The following MAST2 variants were observed in gnomAD, a reference collection of about 807,000 sequenced individuals.
MAST2 encodes the protein microtubule-associated serine/threonine-protein kinase 2.
In MAST2, 70 loss-of-function variants were observed where a neutral mutation model predicts 147.4. That is an observed-to-expected ratio of 0.47 (90% CI 0.39 to 0.58). The LOEUF (loss-of-function observed/expected upper bound fraction) is 0.58. Among genes scored for constraint, MAST2 ranks in the 20% least tolerant of loss-of-function variants. MAST2 has a pLI of 0.00. For missense variants in MAST2, 2,080 were observed against 2,302.3 expected (o/e 0.90, Z 1.98); for synonymous variants, 869 against 896.8 (o/e 0.97, Z 0.55).
chr1:46,017,766 C>T (rs1006152415), intron 10 of MAST2, among the ~76,000 whole-genome samples: 4 of 152,260 alleles, frequency 2.6e-5, no homozygotes, highest in Admixed American at 1.3e-4. Context: ...GGGGCGATTC[C>T]TCAGGGATCT....
intron 16 of MAST2, 47 bp downstream of exon 16, chr1:46,025,862 C>A: frequency 6.2e-7 from 1 of 1,611,754 alleles, no homozygotes; most frequent in Non-Finnish European, 8.5e-7. Flanking sequence ...CCTCTTGGGT[C>A]TCCAGATAAA....
In MAST2 at chr1:46,022,051, C is replaced by T. The variant is rs867407079; in HGVS notation, c.1392C>T (p.Ser464=). The part of the protein sequence containing the change: ...IKCDIPRYIV[S]QLGLTRDPLE... Reference sequence around the variant, plus strand: ...GTGACATTCCCCGCTACATCGTTAGCCAGCTGGGCCTCACCCGGGATCCCC... The same window carrying T: ...GTGACATTCCCCGCTACATCGTTAGTCAGCTGGGCCTCACCCGGGATCCCC... The change falls in exon 12 of 29, where the codon AGC becomes AGT. Residue 464 remains serine (S), a synonymous_variant. Transcript: ENST00000361297. 1.2e-6 allele frequency: 2 copies of T among 1,614,076 alleles called. No individual in the cohort carries two copies. The highest frequency in any genetic ancestry group is 1.7e-6 in the Non-Finnish European group (2 of 1,180,034).
Position 46,023,501 on chromosome 1 carries a change from C to T in MAST2, c.1571+183C>T, listed in dbSNP as rs747704142. 3.0e-5 allele frequency: 19 copies of T among 640,064 alleles called. No individual in the cohort carries two copies. The highest frequency in any genetic ancestry group is 5.0e-5 in the Non-Finnish European group (18 of 361,144). The allele number at this position is 640,064 out of a possible 1,614,324, so 39.6% of individuals were successfully genotyped here. Reference sequence around the variant, plus strand: ...TCTGACATCCGATCATTGTTCCTTTCCCAGACAAGATTCCCACGCCTCTTA... The same window carrying T: ...TCTGACATCCGATCATTGTTCCTTTTCCAGACAAGATTCCCACGCCTCTTA... On this transcript the variant is annotated intron_variant, in intron 14 of 28. Transcript: ENST00000361297. This position sits in a 1 kb window ranked among gnomAD's most constrained non-coding sequence, Gnocchi z 4.9.
chr1:45,889,508 C>G (rs771743368), intron 4 of MAST2, among the ~76,000 whole-genome samples: 1 of 152,172 alleles, frequency 6.6e-6, no homozygotes, highest in Non-Finnish European at 1.5e-5. Flanking sequence ...TTTTCTTACT[C>G]TTAGGATCAC....
At chr1:45,823,023 A>G (rs1318863384) in intron 1 of MAST2, among the ~76,000 whole-genome samples, 1 of 151,798 alleles carries the variant, frequency 6.6e-6, no homozygotes, top group Non-Finnish European at 1.5e-5. Context: ...TTCACTTACC[A>G]CCATGTTTTG....
At chr1:45,980,351 A>G (rs1032894267) in intron 5 of MAST2, among the ~76,000 whole-genome samples, 3 of 151,688 alleles carry the variant, frequency 2.0e-5, no homozygotes, top group Admixed American at 6.6e-5. Context: ...AAAAGTAGCT[A>G]TTGCGTTCTG....
chr1:45,891,231 C>T (rs1478854170), intron 4 of MAST2, among the ~76,000 whole-genome samples: 3 of 152,242 alleles, frequency 2.0e-5, no homozygotes, highest in Non-Finnish European at 4.4e-5. Flanking sequence ...CTAGCTCACA[C>T]CTGTAATCCC....
intron 5 of MAST2, among the ~76,000 whole-genome samples, chr1:45,991,597 T>A (rs1225485372): frequency 1.3e-5 from 2 of 152,222 alleles, no homozygotes; most frequent in African/African-American, 4.8e-5. Flanking sequence ...AGTGTATTTG[T>A]TAAATTTATA....
At chr1:46,028,535 T>C (rs1044937827) in intron 17 of MAST2, among the ~76,000 whole-genome samples, 10 of 152,174 alleles carry the variant, frequency 6.6e-5, no homozygotes, top group African/African-American at 2.2e-4. Flanking sequence ...GTTGAGGGCT[T>C]AAGGGATGGT....
intron 4 of MAST2, among the ~76,000 whole-genome samples, chr1:45,946,561 G>T (rs1658061373): frequency 6.6e-6 from 1 of 152,062 alleles, no homozygotes; most frequent in Non-Finnish European, 1.5e-5. Context: ...TCTTTTCCCT[G>T]TAAGTTGTAA....
chr1:46,023,662 C>G lies in MAST2; in HGVS notation c.1572-110C>G. The G allele has an allele frequency of 1.0e-6, 1 of 966,540 alleles. No individual in the cohort carries two copies. The highest frequency in any genetic ancestry group is 1.6e-6 in the Non-Finnish European group (1 of 638,154). The allele number at this position is 966,540 out of a possible 1,614,324, so 59.9% of individuals were successfully genotyped here. A position where few individuals can be genotyped will look rare whatever the true frequency, so the allele number is the denominator to read the frequency against. Reference sequence around the variant, plus strand: ...TTCTCACTGATATGCATGCCCTTGCCCCCTTGTTCTGTGCATTAATTAAGG... The same window carrying G: ...TTCTCACTGATATGCATGCCCTTGCGCCCTTGTTCTGTGCATTAATTAAGG... On this transcript the variant is annotated intron_variant, in intron 14 of 28. Transcript: ENST00000361297. This position sits in a 1 kb window ranked among gnomAD's most constrained non-coding sequence, Gnocchi z 4.9.
intron 2 of MAST2, among the ~76,000 whole-genome samples, chr1:45,825,013 G>A (rs752512185): frequency 6.6e-6 from 1 of 152,176 alleles, no homozygotes; most frequent in Non-Finnish European, 1.5e-5. Flanking sequence ...ATTGTACATT[G>A]TGGCATAATT....
In MAST2 at chr1:45,842,347, T is replaced by G. The variant is rs189436794; in HGVS notation, c.468+12766T>G. Reference sequence around the variant, plus strand: ...CATAACAAAATCAACCATTTTAAAGTGAACAATTCAGTGGCATTTAGTACT... The same window carrying G: ...CATAACAAAATCAACCATTTTAAAGGGAACAATTCAGTGGCATTTAGTACT... On this transcript the variant is annotated intron_variant, in intron 3 of 28. Transcript: ENST00000361297. Among the ~76,000 whole-genome samples, 14 of 152,306 alleles carry G rather than the reference T, an allele frequency of 9.2e-5. No homozygotes were observed. In the East Asian group the frequency reaches 2.7e-3, roughly 29 times the overall value.
intron 4 of MAST2, chr1:45,917,662 A>C (rs1652781200): frequency 1.6e-6 from 1 of 609,610 alleles, no homozygotes. Context: ...AGAAGAGTAA[A>C]ATAAATATCA....
intron 10 of MAST2, 147 bp from the exon 11 acceptor site, chr1:46,019,449 C>T: frequency 1.6e-6 from 1 of 619,594 alleles, no homozygotes; most frequent in Non-Finnish European, 2.8e-6. Context: ...CCTCTCACAG[C>T]CAGCCAGCCT....
intron 3 of MAST2, among the ~76,000 whole-genome samples, chr1:45,835,345 A>G (rs1299205654): frequency 6.6e-6 from 1 of 152,116 alleles, no homozygotes; most frequent in East Asian, 1.9e-4. Flanking sequence ...TCAAGGAGTG[A>G]TTTTCGTTAG....
At chr1:45,999,427 A>G (rs1196189405) in intron 6 of MAST2, among the ~76,000 whole-genome samples, 3 of 152,216 alleles carry the variant, frequency 2.0e-5, no homozygotes, top group African/African-American at 7.2e-5. Context: ...CTGTACTCTC[A>G]GAGTAGGTAC....
chr1:45,823,799 G>C (rs1191905353), intron 1 of MAST2, among the ~76,000 whole-genome samples: 1 of 152,068 alleles, frequency 6.6e-6, no homozygotes, highest in Admixed American at 6.6e-5. Flanking sequence ...GATTAGGTGG[G>C]TGTTGGCTTA....
intron 3 of MAST2, among the ~76,000 whole-genome samples, chr1:45,847,756 A>T (rs145120904): frequency 6.6e-6 from 1 of 151,728 alleles, no homozygotes; most frequent in Non-Finnish European, 1.5e-5. Context: ...ATTTTGCCAT[A>T]TTGCCCAGTC....
Sources: allele counts gnomAD v4.1 joint callset (sites outside exome capture counted in the v4.1 genomes callset), GRCh38; gene constraint gnomAD v4.1.1; non-coding constraint Gnocchi (gnomAD v3.1); transcripts MANE v1.5; gene names NCBI Gene and HGNC (gene_info 2026-07-23, HGNC 2026-07-21).